CEP112: variants seen among roughly 807,000 people sequenced by gnomAD.
The protein encoded by CEP112 is centrosomal protein 112.
A neutral mutation model predicts 153.0 loss-of-function variants in CEP112; 127 were observed. The observed-to-expected ratio is 0.83, with a 90% CI of 0.72 to 0.96. The LOEUF (loss-of-function observed/expected upper bound fraction) is 0.96, where lower values mean the gene tolerates loss of function less well. Ranked by LOEUF, CEP112 falls within the 40% of genes least tolerant of loss-of-function variation. The probability of loss-of-function intolerance (pLI) is 0.00; values close to 1 mark genes in which losing one functional copy is unlikely to be tolerated. For synonymous variants in CEP112, 358 were observed against 374.4 expected, an observed-to-expected ratio of 0.96 and a Z score of 0.51; for missense variants, 1,089 against 1,101.2, an observed-to-expected ratio of 0.99 and a Z score of 0.16.
intron 24 of CEP112, among the ~76,000 whole-genome samples, chr17:65,683,491 C>A (rs773578249): frequency 6.6e-6 from 1 of 152,154 alleles, no homozygotes; most frequent in Non-Finnish European, 1.5e-5. Context: ...AAGCCAGGAG[C>A]CTTCAAGAGA....
intron 17 of CEP112, among the ~76,000 whole-genome samples, chr17:65,993,515 T>C (rs1036016572): frequency 6.6e-6 from 1 of 152,194 alleles, no homozygotes; most frequent in Non-Finnish European, 1.5e-5. Flanking sequence ...GAAGTGTGTA[T>C]ATTTAGTTAC....
chr17:66,054,295 C>T (rs1425835846), intron 11 of CEP112, among the ~76,000 whole-genome samples: 1 of 152,088 alleles, frequency 6.6e-6, no homozygotes, highest in Non-Finnish European at 1.5e-5. Context: ...GAATTTTGTA[C>T]ACCAGTAATG....
At chr17:65,945,119 G>T (rs2061610539) in intron 18 of CEP112, among the ~76,000 whole-genome samples, 1 of 151,466 alleles carries the variant, frequency 6.6e-6, no homozygotes, top group African/African-American at 2.4e-5. Context: ...TAACATAAAT[G>T]GATTCATATA....
intron 11 of CEP112, among the ~76,000 whole-genome samples, chr17:66,057,309 G>A (rs1826580853): frequency 6.6e-6 from 1 of 152,194 alleles, no homozygotes; most frequent in African/African-American, 2.4e-5. Flanking sequence ...TTAGATGTGT[G>A]AGCTGAAGCA....
intron 12 of CEP112, among the ~76,000 whole-genome samples, chr17:66,053,144 C>A (rs2066513385): frequency 6.7e-6 from 1 of 149,074 alleles, no homozygotes; most frequent in African/African-American, 2.5e-5. Flanking sequence ...TATCTCTGAA[C>A]TGAAAGTCAA....
chr17:66,039,264 A>G (rs564842768), intron 12 of CEP112, among the ~76,000 whole-genome samples: 1 of 152,290 alleles, frequency 6.6e-6, no homozygotes, highest in South Asian at 2.1e-4. Context: ...ATAAGAAGTC[A>G]GTACTGGAGA....
intron 20 of CEP112, among the ~76,000 whole-genome samples, chr17:65,870,838 G>A (rs991967430): frequency 6.6e-5 from 10 of 152,194 alleles, no homozygotes; most frequent in African/African-American, 2.4e-4. Flanking sequence ...ATAAAATTCA[G>A]GCTGAATTCT....
intron 1 of CEP112, among the ~76,000 whole-genome samples, chr17:66,183,817 T>C (rs2072818003): frequency 6.6e-6 from 1 of 151,944 alleles, no homozygotes; most frequent in African/African-American, 2.4e-5. Context: ...TATATAAAAA[T>C]TAACTCAATA....
intron 20 of CEP112, among the ~76,000 whole-genome samples, chr17:65,852,284 TCC>T (rs2057968368): frequency 9.6e-5 from 1 of 10,410 alleles, no homozygotes. Flanking sequence ...CTCCTTCCCT[TCC>T]CCTCCTCCCT....
intron 24 of CEP112, among the ~76,000 whole-genome samples, chr17:65,683,524 T>C (rs112346631): frequency 6.6e-6 from 1 of 152,200 alleles, no homozygotes; most frequent in Non-Finnish European, 1.5e-5. Flanking sequence ...TGCTGATTCC[T>C]GCCGAACAGC....
chr17:66,092,350 AATTT>A (rs1355158484), intron 8 of CEP112, among the ~76,000 whole-genome samples: 5 of 56,574 alleles, frequency 8.8e-5, no homozygotes, highest in South Asian at 7.9e-4. Context: ...TTGAAGCATT[AATTT>A]AAACACACAC....
At chr17:66,025,829 C>G (rs2065176880) in intron 16 of CEP112, among the ~76,000 whole-genome samples, 1 of 151,448 alleles carries the variant, frequency 6.6e-6, no homozygotes, top group African/African-American at 2.4e-5. Context: ...GGTCATTATT[C>G]ATAGGTTTCT....
intron 23 of CEP112, among the ~76,000 whole-genome samples, chr17:65,706,732 C>T (rs2048933421): frequency 6.6e-6 from 1 of 152,240 alleles, no homozygotes; most frequent in African/African-American, 2.4e-5. Flanking sequence ...ATTTTCTCTG[C>T]CATCTAACCA....
At chr17:65,740,714 G>A (rs79345556) in intron 23 of CEP112, among the ~76,000 whole-genome samples, 2,341 of 152,246 alleles carry the variant, frequency 0.015, 47 homozygotes, top group African/African-American at 0.054. Context: ...CTACTTTTAT[G>A]GCATTATTGA....
intron 8 of CEP112, among the ~76,000 whole-genome samples, chr17:66,071,277 C>A (rs997367679): frequency 6.6e-6 from 1 of 151,784 alleles, no homozygotes; most frequent in Non-Finnish European, 1.5e-5. Context: ...TAACCATTTG[C>A]TATGCAAAAA....
intron 12 of CEP112, among the ~76,000 whole-genome samples, chr17:66,040,494 CTTT>C (rs71160522): frequency 7.5e-6 from 1 of 133,482 alleles, no homozygotes; most frequent in Non-Finnish European, 1.5e-5. Context: ...CCCTTTTTTT[CTTT>C]TTTTTTTTTT....
In CEP112 at chr17:65,761,706, C is replaced by T. The variant is rs532516231; in HGVS notation, c.2395-10982G>A. On this transcript the variant is annotated intron_variant, in intron 21 of 26. Transcript: ENST00000535342. ...TCCCAAAGTATTTGGGGATTTCCAC[C>T]TATCTTTCTGTTGATTTCTAGTTTA... Among the ~76,000 whole-genome samples the T allele has an allele frequency of 2.6e-5, 4 of 152,156 alleles. No individual in the cohort carries two copies. The South Asian group carries it at 6.2e-4, about 24-fold the overall frequency.
intron 14 of CEP112, 65 bp from the exon 15 acceptor site, chr17:66,028,470 A>C: frequency 1.1e-6 from 1 of 892,780 alleles, no homozygotes; most frequent in Non-Finnish European, 1.7e-6. Flanking sequence ...ATACTTTCTG[A>C]TTGAAAAAAT....
At chr17:66,121,058 C>T (rs867595843) in intron 6 of CEP112, among the ~76,000 whole-genome samples, 21 of 152,142 alleles carry the variant, frequency 1.4e-4, no homozygotes, top group Middle Eastern at 3.4e-3. Flanking sequence ...GCGGGCGGAT[C>T]GCCTGAGGTT....
Sources: gnomAD v4.1 joint callset for allele counts (sites outside exome capture counted in the v4.1 genomes callset) on GRCh38, gnomAD v4.1.1 for gene constraint, MANE v1.5 for transcripts, NCBI Gene and HGNC (gene_info 2026-07-23, HGNC 2026-07-21) for gene names.